Variants in PKN2 observed in about 807,000 individuals in gnomAD.
PKN2 encodes protein kinase N2, also known as serine/threonine-protein kinase N2.
In PKN2, 38 loss-of-function variants were observed where a neutral mutation model predicts 119.1. That is an observed-to-expected ratio of 0.32 (90% CI 0.25 to 0.42). The LOEUF (loss-of-function observed/expected upper bound fraction) is 0.42, where lower values mean the gene tolerates loss of function less well. Ranked by LOEUF, PKN2 falls within the 10% of genes least tolerant of loss-of-function variation. The pLI is 1.00. For synonymous variants in PKN2, 390 were observed against 384.9 expected, an observed-to-expected ratio of 1.01 and a Z score of -0.15; for missense variants, 850 against 1,165.1, an observed-to-expected ratio of 0.73 and a Z score of 3.94.
chr1:88,810,897 G>A (rs1671756805), intron 15 of PKN2, among the ~76,000 whole-genome samples: 1 of 152,136 alleles, frequency 6.6e-6, no homozygotes, highest in Non-Finnish European at 1.5e-5. Flanking sequence ...ATGAGCCACT[G>A]TGCCTGGCCT....
chr1:88,792,924 A>G (rs527499187), intron 8 of PKN2, among the ~76,000 whole-genome samples: 33 of 152,342 alleles, frequency 2.2e-4, no homozygotes, highest in African/African-American at 7.9e-4. Flanking sequence ...TATTGCATTA[A>G]ATACCATGAA....
chr1:88,783,658 C>A (rs922953846), intron 6 of PKN2, among the ~76,000 whole-genome samples: 4 of 152,146 alleles, frequency 2.6e-5, no homozygotes, highest in Non-Finnish European at 5.9e-5. Flanking sequence ...TGTACAGTAT[C>A]TAAAATGTTA....
chr1:88,772,952 A>G (rs1669953967), intron 6 of PKN2, among the ~76,000 whole-genome samples: 1 of 152,072 alleles, frequency 6.6e-6, no homozygotes, highest in African/African-American at 2.4e-5. Flanking sequence ...TCAGTTATGT[A>G]AATTTTTGTT....
At chr1:88,695,126 C>CA (rs546629342) in intron 1 of PKN2, among the ~76,000 whole-genome samples, 92 of 137,282 alleles carry the variant, frequency 6.7e-4, no homozygotes, top group South Asian at 9.0e-4. Flanking sequence ...GACTCCATCT[C>CA]AAAAAAAAAA....
At chr1:88,711,797 A>G (rs1451890865) in intron 1 of PKN2, among the ~76,000 whole-genome samples, 6 of 152,098 alleles carry the variant, frequency 3.9e-5, no homozygotes, top group African/African-American at 1.4e-4. Flanking sequence ...ATGCTTGGGG[A>G]ATGGCAGTCA....
At chr1:88,754,191 A>G (rs544107434) in intron 2 of PKN2, among the ~76,000 whole-genome samples, 4 of 151,040 alleles carry the variant, frequency 2.6e-5, no homozygotes, top group South Asian at 2.1e-4. Flanking sequence ...TCAAATCACT[A>G]TTTTCTTCCG....
At position 88,804,177 on chromosome 1, in the gene PKN2, A is replaced by G. The variant is rs755550478; in HGVS notation, c.1282-214A>G. On this transcript the variant is annotated intron_variant, in intron 8 of 21. Coordinates refer to ENST00000370521, the MANE Select transcript of PKN2 (RefSeq NM_006256.4). Reference sequence around the variant, plus strand: ...AATACCTTAGCTGGAAAATGTCACAATGTAAGTTTTGTTTCTTTGAATTAA... The same window carrying G: ...AATACCTTAGCTGGAAAATGTCACAGTGTAAGTTTTGTTTCTTTGAATTAA... Among the ~76,000 whole-genome samples the G allele has an allele frequency of 1.9e-4, 29 of 152,298 alleles. No individual in the cohort carries two copies. In the South Asian group the frequency reaches 2.7e-3, roughly 14 times the overall value.
intron 1 of PKN2, among the ~76,000 whole-genome samples, chr1:88,721,113 CT>C (rs200510621): frequency 6.0e-5 from 9 of 151,146 alleles, no homozygotes; most frequent in Non-Finnish European, 8.9e-5. Flanking sequence ...CATATAATGA[CT>C]TTTTTTTTCG....
At chr1:88,823,575 G>T (rs1672377713) in intron 17 of PKN2, among the ~76,000 whole-genome samples, 1 of 151,586 alleles carries the variant, frequency 6.6e-6, no homozygotes, top group Non-Finnish European at 1.5e-5. Flanking sequence ...TTGGTGGTGG[G>T]CACCTGTAGT....
At chr1:88,753,733 G>T (rs770148032) in intron 2 of PKN2, among the ~76,000 whole-genome samples, 1 of 145,496 alleles carries the variant, frequency 6.9e-6, no homozygotes, top group Non-Finnish European at 1.5e-5. Context: ...TCACTATTGT[G>T]AGAACAGCAC....
At chr1:88,818,323 G>A (rs1391557137) in intron 16 of PKN2, among the ~76,000 whole-genome samples, 1 of 152,122 alleles carries the variant, frequency 6.6e-6, no homozygotes, top group Middle Eastern at 3.2e-3. Context: ...TCCCCATTAA[G>A]CTACCATTGA....
intron 17 of PKN2, 29 bp downstream of exon 17, chr1:88,822,032 G>T: frequency 6.8e-7 from 1 of 1,466,974 alleles, no homozygotes; most frequent in Non-Finnish European, 9.1e-7. Context: ...TTTTCTAATG[G>T]CTTGCTTTGG....
In PKN2 at chr1:88,739,362, A is replaced by G. The variant is rs147850649; in HGVS notation, c.49-1626A>G. On this transcript the variant is annotated intron_variant, in intron 1 of 21. Transcript: ENST00000370521. Reference sequence around the variant, plus strand: ...AACTACTTCATATTTTGCATAATATACCTGCAGGCACAAGGTAAATTGATA... The same window carrying G: ...AACTACTTCATATTTTGCATAATATGCCTGCAGGCACAAGGTAAATTGATA... Among the ~76,000 whole-genome samples the G allele has an allele frequency of 3.3e-5, 5 of 152,284 alleles. No individual in the cohort carries two copies. The East Asian group carries it at 7.7e-4, about 23-fold the overall frequency.
chr1:88,766,739 A>C (rs1669683181), intron 3 of PKN2, among the ~76,000 whole-genome samples: 2 of 152,200 alleles, frequency 1.3e-5, no homozygotes, highest in African/African-American at 4.8e-5. Flanking sequence ...CTCCAGCCTT[A>C]TCTCTTCCCT....
intron 8 of PKN2, among the ~76,000 whole-genome samples, chr1:88,798,951 A>G (rs1671202472): frequency 6.6e-6 from 1 of 152,172 alleles, no homozygotes; most frequent in South Asian, 2.1e-4. Flanking sequence ...GAGAATTTGG[A>G]CTGGTATGGG....
chr1:88,759,136 G>T (rs182112149), intron 2 of PKN2, among the ~76,000 whole-genome samples: 45 of 152,310 alleles, frequency 3.0e-4, no homozygotes, highest in African/African-American at 1.1e-3. Context: ...AGGCCAAGGC[G>T]GGCAGATCAC....
At chr1:88,830,465 T>C (rs931358800) in intron 19 of PKN2, among the ~76,000 whole-genome samples, 2 of 152,170 alleles carry the variant, frequency 1.3e-5, no homozygotes, top group African/African-American at 4.8e-5. Context: ...TCCTTTATTT[T>C]AACAGTAACA....
chr1:88,702,149 G>C (rs1428698434), intron 1 of PKN2, among the ~76,000 whole-genome samples: 1 of 152,130 alleles, frequency 6.6e-6, no homozygotes, highest in Non-Finnish European at 1.5e-5. Context: ...AGTAGAGATA[G>C]GGTTTCACCA....
rs375158545 is a variant in PKN2, at chr1:88,696,932, G to T, written c.48+12304G>T. On this transcript the variant is annotated intron_variant, in intron 1 of 21. Coordinates refer to ENST00000370521, the MANE Select transcript of PKN2 (RefSeq NM_006256.4). Reference sequence around the variant, plus strand: ...TCTTTGAACCACACTCCCTATCTTTGCATATGCTGATTCTGGTTTTAAGAA... The same window carrying T: ...TCTTTGAACCACACTCCCTATCTTTTCATATGCTGATTCTGGTTTTAAGAA... Among the ~76,000 whole-genome samples the T allele has an allele frequency of 1.4e-4, 21 of 151,956 alleles. No homozygotes were observed. The East Asian group carries it at 2.3e-3, about 17-fold the overall frequency.
Sources: allele counts gnomAD v4.1 joint callset (sites outside exome capture counted in the v4.1 genomes callset), GRCh38; gene constraint gnomAD v4.1.1; transcripts MANE v1.5; gene names NCBI Gene and HGNC (gene_info 2026-07-23, HGNC 2026-07-21).